The following ZNF793 variants were observed in gnomAD, a reference collection of about 807,000 sequenced individuals.
The protein encoded by ZNF793 is zinc finger protein 793.
ZNF793 carries 5 observed loss-of-function variants against 12.4 expected under a neutral mutation model. The ratio of observed to expected loss-of-function variants is 0.40; its 90% CI spans 0.21 to 0.84. The LOEUF is 0.84. Ranked by LOEUF, ZNF793 falls within the 40% of genes least tolerant of loss-of-function variation. The probability of loss-of-function intolerance (pLI) is 0.35; values close to 1 mark genes in which losing one functional copy is unlikely to be tolerated. For missense variants in ZNF793, 456 were observed against 495.0 expected, an observed-to-expected ratio of 0.92 and a Z score of 0.75; for synonymous variants, 162 against 172.4, an observed-to-expected ratio of 0.94 and a Z score of 0.47.
rs751225979 is a variant in ZNF793 at position 37,537,349 on chromosome 19, G to A, written c.691G>A (p.Glu231Lys). 1 of 1,613,238 alleles carries A rather than the reference G, an allele frequency of 6.2e-7. No homozygotes were observed. Among genetic ancestry groups the A allele is most frequent in the Non-Finnish European group, 8.5e-7 (1 of 1,179,548 alleles). ...PPTEKPHVCS[E>K]CGKAFCYKSE... is the part of the protein sequence containing the mutation. ...TACAGAAAAACCCCACGTCTGTAGT[G>A]AGTGTGGGAAAGCCTTCTGCTACAA... Residue 231 changes from glutamate (E) to lysine (K), a missense_variant, in exon 8 of 8, where the codon GAG (glutamate) becomes AAG (lysine). Coordinates refer to ENST00000627814, the MANE Select transcript of ZNF793 (RefSeq NM_001013659.3).
chr19:37,537,659 C>A lies in ZNF793; in HGVS notation c.1001C>A (p.Thr334Lys), dbSNP rs755995007. Residue 334 changes from threonine (T) to lysine (K), a missense_variant, in exon 8 of 8, where the codon ACA (threonine) becomes AAA (lysine). Physicochemically the swap from Thr to Lys is moderately conservative, Grantham distance 78. Transcript: ENST00000627814. ...SYLNVHRKMH[T>K]GERPYRCREC... ...CTCAATGTACATCGAAAAATGCACA[C>A]AGGAGAAAGACCGTATCGTTGCAGA... 1.9e-6 allele frequency: 3 copies of A among 1,613,560 alleles called. No individual in the cohort carries two copies. Among genetic ancestry groups the A allele is most frequent in the Non-Finnish European group, 2.5e-6 (3 of 1,179,726 alleles).
chr19:37,538,037 G>T lies in ZNF793; in HGVS notation c.*158G>T, dbSNP rs1053164457. The T allele has an allele frequency of 8.2e-6, 7 of 855,136 alleles. No homozygotes were observed. The highest frequency in any genetic ancestry group is 1.2e-5 in the Non-Finnish European group (7 of 588,988). The allele number at this position is 855,136 out of a possible 1,614,324, so 53.0% of individuals were successfully genotyped here. ...CGCCATTCTCCTGCCTCAGCCTCCC[G>T]AGTAGCTGGGACTACAGGTGCCCAC... On this transcript the variant is annotated 3_prime_UTR_variant, in exon 8 of 8. Transcript: ENST00000627814.
At position 37,537,600 on chromosome 19, in the gene ZNF793, T is replaced by A; in HGVS notation, c.942T>A (p.Ser314Arg). 4 of 1,614,126 alleles carry A rather than the reference T, an allele frequency of 2.5e-6. No homozygotes were observed. Among genetic ancestry groups the A allele is most frequent in the Non-Finnish European group, 3.4e-6 (4 of 1,180,018 alleles). Residue 314 changes from serine (S) to arginine (R), a missense_variant, in exon 8 of 8, where the codon AGT (serine) becomes AGA (arginine). Physicochemically the swap from Ser to Arg is moderately radical, Grantham distance 110 (BLOSUM62 -1). Coordinates refer to ENST00000627814, the MANE Select transcript of ZNF793 (RefSeq NM_001013659.3). ...THTGERPFVC[S>R]ECGKSFGEKS... Reference sequence around the variant, plus strand: ...CAGGAGAGAGACCCTTTGTCTGCAGTGAATGCGGGAAATCGTTTGGTGAGA... The same window carrying A: ...CAGGAGAGAGACCCTTTGTCTGCAGAGAATGCGGGAAATCGTTTGGTGAGA...
At chr19:37,516,295 C>T (rs1446481041) in intron 2 of ZNF793, among the ~76,000 whole-genome samples, 2 of 152,042 alleles carry the variant, frequency 1.3e-5, no homozygotes, top group East Asian at 1.9e-4. Context: ...CTGCTACACC[C>T]GGCTAATTTT....
chr19:37,526,785 C>A lies in ZNF793; in HGVS notation c.15+3331C>A, dbSNP rs1277528299. ...CAGCCTCCTGAGAATGGGGCGTGGG[C>A]CTGGGCTGCTCTCAGAGCCACTTCG... On this transcript the variant is annotated intron_variant, in intron 5 of 7. Transcript: ENST00000627814. Among the ~76,000 whole-genome samples the A allele has an allele frequency of 2.6e-5, 4 of 152,188 alleles. No homozygotes were observed. In the East Asian group the frequency reaches 7.7e-4, roughly 29 times the overall value.
At chr19:37,511,744 C>T (rs1379378342) in intron 2 of ZNF793, among the ~76,000 whole-genome samples, 1 of 152,164 alleles carries the variant, frequency 6.6e-6, no homozygotes, top group African/African-American at 2.4e-5. Context: ...CTATTATTCT[C>T]CCTGGAAGCC....
chr19:37,516,370 G>A (rs1043518716), intron 2 of ZNF793, among the ~76,000 whole-genome samples: 1 of 152,104 alleles, frequency 6.6e-6, no homozygotes, highest in African/African-American at 2.4e-5. Flanking sequence ...CCTGACCTCA[G>A]GTGATCTACC....
rs1193136325 is a variant in ZNF793, at chr19:37,542,426, A to G, written c.*4547A>G. 2 of 394,022 alleles carry G rather than the reference A, an allele frequency of 5.1e-6. No individual in the cohort carries two copies. The highest frequency in any genetic ancestry group is 1.0e-5 in the Non-Finnish European group (2 of 199,246). The allele number at this position is 394,022 out of a possible 1,614,324, so 24.4% of individuals were successfully genotyped here. A position where few individuals can be genotyped will look rare whatever the true frequency, so the allele number is the denominator to read the frequency against. On this transcript the variant is annotated 3_prime_UTR_variant, in exon 8 of 8. Transcript: ENST00000627814. ...AAAAGAAAAGAAATCTGTTAATATTATTAAAATATTTATGTCACTTTGGAG... is the reference window on the plus strand; with the variant it reads ...AAAAGAAAAGAAATCTGTTAATATTGTTAAAATATTTATGTCACTTTGGAG...
intron 2 of ZNF793, among the ~76,000 whole-genome samples, chr19:37,508,888 A>G (rs1421198900): frequency 1.3e-5 from 2 of 152,180 alleles, no homozygotes; most frequent in Non-Finnish European, 1.5e-5. Flanking sequence ...CTTGTCCTAT[A>G]TATTTTAGGC....
intron 1 of ZNF793, chr19:37,507,323 C>T (rs1009550741): frequency 6.6e-6 from 1 of 152,316 alleles, no homozygotes; most frequent in Non-Finnish European, 1.5e-5. Flanking sequence ...TAATAGTGGT[C>T]TTCATGGGTC....
chr19:37,509,766 A>G (rs2042278754), intron 2 of ZNF793, among the ~76,000 whole-genome samples: 1 of 152,238 alleles, frequency 6.6e-6, no homozygotes, highest in Non-Finnish European at 1.5e-5. Flanking sequence ...GCAAAAATGT[A>G]TATAAATATG....
At position 37,529,867 on chromosome 19, in the gene ZNF793, A is replaced by T. The variant is rs879770696; in HGVS notation, c.16-2489A>T. On this transcript the variant is annotated intron_variant, in intron 5 of 7. Transcript: ENST00000627814. Reference sequence around the variant, plus strand: ...TGTTTTTCGTTAGGTGGAACGAGAGACTTAGGAAAGAAAAATACACAAAGT... The same window carrying T: ...TGTTTTTCGTTAGGTGGAACGAGAGTCTTAGGAAAGAAAAATACACAAAGT... 1.2e-4 allele frequency among the ~76,000 whole-genome samples: 19 copies of T among 152,156 alleles called. 1 individual carries two copies. Among genetic ancestry groups the T allele is most frequent in the Admixed American group, 1.2e-3 (18 of 15,266 alleles).
chr19:37,526,666 C>T (rs2042418177), intron 5 of ZNF793, among the ~76,000 whole-genome samples: 1 of 152,214 alleles, frequency 6.6e-6, no homozygotes, highest in Admixed American at 6.5e-5. Context: ...CTCCATGGCC[C>T]CTGCCCTGCT....
At chr19:37,522,924 A>G in intron 4 of ZNF793, among the ~76,000 whole-genome samples, 1 of 152,220 alleles carries the variant, frequency 6.6e-6, no homozygotes, top group East Asian at 1.9e-4. Flanking sequence ...TTTAGATACT[A>G]TGGCAACCAT....
At chr19:37,511,340 G>A (rs1045768554) in intron 2 of ZNF793, among the ~76,000 whole-genome samples, 2 of 152,132 alleles carry the variant, frequency 1.3e-5, no homozygotes, top group African/African-American at 2.4e-5. Flanking sequence ...CATACCATGA[G>A]GTAATTTTGT....
At chr19:37,509,954 G>C (rs373517758) in intron 2 of ZNF793, among the ~76,000 whole-genome samples, 9 of 152,140 alleles carry the variant, frequency 5.9e-5, no homozygotes, top group African/African-American at 2.2e-4. Context: ...ATATTCATTG[G>C]GGGGGAGGAG....
chr19:37,532,156 A>T (rs1316423931), intron 5 of ZNF793, among the ~76,000 whole-genome samples, 200 bp from the exon 6 acceptor site: 2 of 151,944 alleles, frequency 1.3e-5, no homozygotes, highest in Admixed American at 1.3e-4. Flanking sequence ...TGAGATTACA[A>T]GTGTGCACCA....
chr19:37,518,420 A>G (rs1298666048), intron 2 of ZNF793, among the ~76,000 whole-genome samples: 2 of 151,956 alleles, frequency 1.3e-5, no homozygotes, highest in Admixed American at 6.6e-5. Context: ...GAGAAATGGC[A>G]CCTGGCCTCC....
Position 37,533,602 on chromosome 19 carries a change from T to C in ZNF793, c.238+199T>C, listed in dbSNP as rs1018192480. The C allele has an allele frequency of 1.5e-4, 83 of 561,884 alleles. 2 individuals are homozygous for C. Among genetic ancestry groups the C allele is most frequent in the Middle Eastern group, 1.3e-3 (3 of 2,332 alleles). The allele number at this position is 561,884 out of a possible 1,614,324, so 34.8% of individuals were successfully genotyped here. On this transcript the variant is annotated intron_variant, in intron 7 of 7. Coordinates refer to ENST00000627814, the MANE Select transcript of ZNF793 (RefSeq NM_001013659.3). ...CTACTTGATTGCACCTCTGCCCTTATGTGCTTGGTCCATCTCTCTTTCTCC... is the reference window on the plus strand; with the variant it reads ...CTACTTGATTGCACCTCTGCCCTTACGTGCTTGGTCCATCTCTCTTTCTCC...
Sources: allele counts gnomAD v4.1 joint callset (sites outside exome capture counted in the v4.1 genomes callset), GRCh38; gene constraint gnomAD v4.1.1; transcripts MANE v1.5; gene names NCBI Gene and HGNC (gene_info 2026-07-23, HGNC 2026-07-21).